The following ZNF536 variants were observed in gnomAD, a reference collection of about 807,000 sequenced individuals.
The protein encoded by ZNF536 is zinc finger protein 536.
ZNF536 carries 13 observed loss-of-function variants against 84.5 expected under a neutral mutation model. The ratio of observed to expected loss-of-function variants is 0.15; its 90% confidence interval spans 0.10 to 0.24. The LOEUF (loss-of-function observed/expected upper bound fraction) is 0.24, where lower values mean the gene tolerates loss of function less well. ZNF536 is among the 10% of genes least tolerant of loss of function. ZNF536 has a pLI of 1.00. For missense variants in ZNF536, 1,536 were observed against 1,747.5 expected (o/e 0.88, Z 2.16); for synonymous variants, 811 against 742.5 (o/e 1.09, Z -1.50).
At chr19:30,519,248 G>A (rs768212333) in intron 2 of ZNF536, among the ~76,000 whole-genome samples, 1 of 152,240 alleles carries the variant, frequency 6.6e-6, no homozygotes, top group Non-Finnish European at 1.5e-5. Flanking sequence ...AGAGCCACCA[G>A]CCTTGCTGCA....
At chr19:30,430,893 C>T (rs1224308308) in intron 1 of ZNF536, among the ~76,000 whole-genome samples, 4 of 152,184 alleles carry the variant, frequency 2.6e-5, no homozygotes, top group Non-Finnish European at 5.9e-5. Context: ...CCAGGCTGGT[C>T]TCAAACTCCT....
chr19:30,562,075 A>G (rs2046189889), downstream of ZNF536, among the ~76,000 whole-genome samples: 1 of 152,162 alleles, frequency 6.6e-6, no homozygotes, highest in Admixed American at 6.5e-5. Context: ...CCTTGAAGCA[A>G]TCATGTTCCA....
intron 1 of ZNF536, among the ~76,000 whole-genome samples, chr19:30,426,143 T>G (rs2147913910): frequency 6.6e-6 from 1 of 152,318 alleles, no homozygotes; most frequent in Non-Finnish European, 1.5e-5. Context: ...AGGTAATGCT[T>G]GGCTTCCCCA....
At position 30,548,860 on chromosome 19, in the gene ZNF536, C is replaced by G; in HGVS notation, c.3241C>G (p.Gln1081Glu). Residue 1081 changes from glutamine (Q) to glutamate (E), a missense_variant, in exon 4 of 5, where the codon CAA (glutamine) becomes GAA (glutamate). Physicochemically the swap from Gln to Glu is conservative, Grantham distance 29. Around this residue, in one of 8 missense-constraint regions of ZNF536, gnomAD observed 624 missense variants for 603.1 expected, o/e 1.03. Transcript: ENST00000355537. ...AGACTCTGCTTCTGAGAAGATGGCC[C>G]AAGGTCAGCTCAAGGAGACTCTGGG... ...SLDSASEKMA[Q>E]GQLKETLGEQ... The G allele has an allele frequency of 6.2e-7, 1 of 1,614,136 alleles. No homozygotes were observed. Among genetic ancestry groups the G allele is most frequent in the Non-Finnish European group, 8.5e-7 (1 of 1,180,038 alleles).
At chr19:30,609,257 C>T (rs1338466361) in intron 1 of ZNF536, among the ~76,000 whole-genome samples, 2 of 152,196 alleles carry the variant, frequency 1.3e-5, no homozygotes, top group Non-Finnish European at 2.9e-5. Flanking sequence ...AGCCTTCTAT[C>T]AGTCAATAGA....
At chr19:30,449,356 C>A (rs922471488) in intron 2 of ZNF536, among the ~76,000 whole-genome samples, 7 of 152,196 alleles carry the variant, frequency 4.6e-5, no homozygotes, top group African/African-American at 1.7e-4. Flanking sequence ...GGCTTGCATG[C>A]AAACACTCTT....
intron 1 of ZNF536, among the ~76,000 whole-genome samples, chr19:30,687,981 T>A (rs1461646770): frequency 6.6e-6 from 1 of 150,922 alleles, no homozygotes; most frequent in Non-Finnish European, 1.5e-5. Context: ...TTACTTTATT[T>A]TTTAAAAAAG....
At chr19:30,480,478 C>T (rs1208571154) in intron 2 of ZNF536, among the ~76,000 whole-genome samples, 1 of 152,030 alleles carries the variant, frequency 6.6e-6, no homozygotes, top group Non-Finnish European at 1.5e-5. Context: ...TGTTCTCACT[C>T]ATAAGTGGGA....
chr19:30,639,395 C>T (rs1457289736), intron 1 of ZNF536, among the ~76,000 whole-genome samples: 1 of 152,140 alleles, frequency 6.6e-6, no homozygotes, highest in Non-Finnish European at 1.5e-5. Context: ...TTTTACGTGT[C>T]TTTTTTGTAC....
intron 1 of ZNF536, among the ~76,000 whole-genome samples, chr19:30,585,768 C>G (rs531724508): frequency 9.9e-5 from 15 of 152,212 alleles, no homozygotes; most frequent in Non-Finnish European, 1.8e-4. Flanking sequence ...TGCCCTCCTA[C>G]CCGTCATTTC....
At chr19:30,411,412 A>G (rs1427914087) in intron 1 of ZNF536, among the ~76,000 whole-genome samples, 1 of 152,210 alleles carries the variant, frequency 6.6e-6, no homozygotes, top group African/African-American at 2.4e-5. Flanking sequence ...TTTTATTTAT[A>G]CAACTTTATA....
At chr19:30,432,670 A>G (rs2051529074) in intron 1 of ZNF536, among the ~76,000 whole-genome samples, 3 of 152,016 alleles carry the variant, frequency 2.0e-5, no homozygotes, top group Admixed American at 2.0e-4. Context: ...TGACCTTCCG[A>G]TGTTTGGTTT....
intron 2 of ZNF536, among the ~76,000 whole-genome samples, chr19:30,517,580 A>G (rs2044133960): frequency 1.3e-5 from 2 of 152,142 alleles, no homozygotes; most frequent in African/African-American, 2.4e-5. Context: ...TATGTTAAAA[A>G]CAAACTTATA....
At chr19:30,326,803 T>TTTTTTTTTG (rs2047047978) in intron 2 of ZNF536, among the ~76,000 whole-genome samples, 9 of 129,586 alleles carry the variant, frequency 6.9e-5, no homozygotes, top group East Asian at 2.3e-4. Context: ...TTTTTTTTTT[T>TTTTTTTTTG]TTTTTTTTTT....
intron 1 of ZNF536, among the ~76,000 whole-genome samples, chr19:30,255,797 T>C (rs1169503728): frequency 6.6e-6 from 1 of 152,234 alleles, no homozygotes; most frequent in East Asian, 1.9e-4. Context: ...GGTCTTCGTC[T>C]GCATAGACCC....
chr19:30,434,389 C>T (rs1391370335), intron 1 of ZNF536, among the ~76,000 whole-genome samples: 1 of 152,190 alleles, frequency 6.6e-6, no homozygotes, highest in East Asian at 1.9e-4. Context: ...TGTTCCTTGG[C>T]CTCCTCAGAG....
At chr19:30,510,094 A>G (rs1244171358) in intron 2 of ZNF536, among the ~76,000 whole-genome samples, 3 of 152,234 alleles carry the variant, frequency 2.0e-5, no homozygotes, top group African/African-American at 2.4e-5. Context: ...GCCTGCATTC[A>G]TATCACCGAA....
intron 1 of ZNF536, among the ~76,000 whole-genome samples, chr19:30,698,781 G>A (rs989453151): frequency 2.0e-5 from 3 of 152,128 alleles, no homozygotes; most frequent in Non-Finnish European, 4.4e-5. Flanking sequence ...TTACTCTCCC[G>A]TCCCTTTCCA....
chr19:30,365,000 A>G (rs888716853), intron 3 of ZNF536, among the ~76,000 whole-genome samples: 2 of 152,202 alleles, frequency 1.3e-5, no homozygotes, highest in Non-Finnish European at 2.9e-5. Flanking sequence ...CAGTGTGAAA[A>G]GTGTTGACTA....
Sources: allele counts gnomAD v4.1 joint callset (sites outside exome capture counted in the v4.1 genomes callset), GRCh38; gene constraint gnomAD v4.1.1; regional missense constraint gnomAD v4.1.1; transcripts MANE v1.5; gene names NCBI Gene and HGNC (gene_info 2026-07-23, HGNC 2026-07-21).